The following SCAPER variants were observed in gnomAD, a reference collection of about 807,000 sequenced individuals.
SCAPER encodes S phase cyclin A-associated protein in the endoplasmic reticulum.
A neutral mutation model predicts 182.2 loss-of-function variants in SCAPER; 98 were observed. That is an observed-to-expected ratio of 0.54 (90% CI 0.46 to 0.64). The LOEUF is 0.64. Ranked by LOEUF, SCAPER falls within the 30% of genes least tolerant of loss-of-function variation. The pLI is 0.00. For missense variants in SCAPER, 1,432 were observed against 1,690.0 expected (o/e 0.85, Z 2.68); for synonymous variants, 605 against 564.6 (o/e 1.07, Z -1.01).
intron 20 of SCAPER, among the ~76,000 whole-genome samples, chr15:76,700,865 A>G (rs1040627747): frequency 6.6e-6 from 1 of 152,224 alleles, no homozygotes; most frequent in Non-Finnish European, 1.5e-5. Context: ...TACATACTGT[A>G]TGATAACATT....
intron 23 of SCAPER, among the ~76,000 whole-genome samples, chr15:76,566,328 T>C (rs1265207884): frequency 6.6e-6 from 1 of 152,148 alleles, no homozygotes; most frequent in Non-Finnish European, 1.5e-5. Flanking sequence ...ATTTCACATA[T>C]CTCAATTCAC....
At chr15:76,542,474 GATCACGT>G in intron 23 of SCAPER, among the ~76,000 whole-genome samples, 1 of 151,824 alleles carries the variant, frequency 6.6e-6, no homozygotes, top group East Asian at 1.9e-4. Flanking sequence ...AATGAGCTGA[GATCACGT>G]CACTGAACTC....
At chr15:76,881,954 G>T (rs1374217281) in intron 2 of SCAPER, among the ~76,000 whole-genome samples, 2 of 152,130 alleles carry the variant, frequency 1.3e-5, no homozygotes, top group African/African-American at 4.8e-5. Flanking sequence ...GAAGAAAGCT[G>T]AATTTCTCTA....
intron 22 of SCAPER, among the ~76,000 whole-genome samples, chr15:76,578,101 G>A (rs2047987568): frequency 6.6e-6 from 1 of 151,900 alleles, no homozygotes; most frequent in South Asian, 2.1e-4. Context: ...GGTGGCCACA[G>A]GAAGAGACTC....
At chr15:76,812,237 C>G (rs55993478) in intron 5 of SCAPER, among the ~76,000 whole-genome samples, 1 of 152,150 alleles carries the variant, frequency 6.6e-6, no homozygotes, top group South Asian at 2.1e-4. Flanking sequence ...TCATTTGAAT[C>G]TGGGAGGCAG....
intron 24 of SCAPER, among the ~76,000 whole-genome samples, chr15:76,500,856 A>G (rs1179730404): frequency 1.3e-5 from 2 of 151,960 alleles, no homozygotes; most frequent in Non-Finnish European, 2.9e-5. Context: ...CCTGGCTAAC[A>G]TCGTGAAACC....
intron 21 of SCAPER, among the ~76,000 whole-genome samples, chr15:76,635,623 T>C (rs1273891247): frequency 6.6e-6 from 1 of 152,224 alleles, no homozygotes; most frequent in Admixed American, 6.5e-5. Flanking sequence ...GAGTGGACTT[T>C]CATGTCTTCT....
At chr15:76,649,479 G>C (rs1454005836) in intron 21 of SCAPER, among the ~76,000 whole-genome samples, 1 of 150,818 alleles carries the variant, frequency 6.6e-6, no homozygotes, top group African/African-American at 2.4e-5. Context: ...AAACAAATCA[G>C]AAAACCATAC....
At position 76,552,345 on chromosome 15, in the gene SCAPER, A is replaced by C. The variant is rs572966965; in HGVS notation, c.2838+21813T>G. Among the ~76,000 whole-genome samples, 3 of 152,248 alleles carry C rather than the reference A, an allele frequency of 2.0e-5. No homozygotes were observed. In the East Asian group the frequency reaches 5.8e-4, roughly 30 times the overall value. On this transcript the variant is annotated intron_variant, in intron 23 of 31. Coordinates refer to ENST00000563290, the MANE Select transcript of SCAPER (RefSeq NM_020843.4). The stretch of plus-strand genomic sequence containing the variant: ...GCAAGTAGACACACCCGGCAGGAGT[A>C]TTTCCCACTAAAGGACTGCACATCC...
chr15:76,831,684 T>G (rs2068500532), intron 5 of SCAPER, among the ~76,000 whole-genome samples: 1 of 151,682 alleles, frequency 6.6e-6, no homozygotes, highest in East Asian at 1.9e-4. Flanking sequence ...CAGCATACTC[T>G]CCCATGACCC....
chr15:76,540,526 T>A (rs1374166493), intron 23 of SCAPER, among the ~76,000 whole-genome samples: 1 of 152,102 alleles, frequency 6.6e-6, no homozygotes, highest in Non-Finnish European at 1.5e-5. Context: ...ACGTCTATAT[T>A]TTTATTTTTT....
intron 20 of SCAPER, among the ~76,000 whole-genome samples, chr15:76,668,864 T>C (rs2056811508): frequency 6.6e-6 from 1 of 152,232 alleles, no homozygotes; most frequent in African/African-American, 2.4e-5. Context: ...ATAGTATTTT[T>C]CAGCCCTTAT....
At chr15:76,712,924 C>G (rs929455734) in intron 17 of SCAPER, among the ~76,000 whole-genome samples, 14 of 151,990 alleles carry the variant, frequency 9.2e-5, no homozygotes, top group Admixed American at 8.5e-4. Flanking sequence ...ATTGAATGCC[C>G]TTTATTTCCT....
At chr15:76,577,308 G>A (rs1374410058) in intron 22 of SCAPER, among the ~76,000 whole-genome samples, 13 of 152,256 alleles carry the variant, frequency 8.5e-5, no homozygotes, top group Admixed American at 3.9e-4. Context: ...TTAGCTGGGT[G>A]TGGTGGCACA....
intron 2 of SCAPER, among the ~76,000 whole-genome samples, chr15:76,873,343 C>A (rs11072633): frequency 0.049 from 3,182 of 65,112 alleles, 43 homozygotes; most frequent in East Asian, 0.098. Context: ...GGCAGGCAGG[C>A]AGGCAGGCAG....
In SCAPER at chr15:76,812,589, T is replaced by A. The variant is rs138039723; in HGVS notation, c.394-7956A>T. ...AAAACCTTAGGGTGAAAAAAAGAGATGACTCATCGGAAACATAAAGAGGGA... is the reference window on the plus strand; with the variant it reads ...AAAACCTTAGGGTGAAAAAAAGAGAAGACTCATCGGAAACATAAAGAGGGA... On this transcript the variant is annotated intron_variant, in intron 5 of 31. Coordinates refer to ENST00000563290, the MANE Select transcript of SCAPER (RefSeq NM_020843.4). Among the ~76,000 whole-genome samples the A allele has an allele frequency of 5.2e-4, 78 of 151,240 alleles. 1 individual carries two copies. The highest frequency in any genetic ancestry group is 1.8e-3 in the African/African-American group (73 of 41,292).
At chr15:76,657,477 C>G (rs534371878) in intron 21 of SCAPER, among the ~76,000 whole-genome samples, 1 of 151,390 alleles carries the variant, frequency 6.6e-6, no homozygotes, top group East Asian at 1.9e-4. Context: ...TAAAGAAGAG[C>G]TGGTACTATT....
At chr15:76,839,686 A>G (rs1189103337) in intron 5 of SCAPER, among the ~76,000 whole-genome samples, 2 of 152,210 alleles carry the variant, frequency 1.3e-5, no homozygotes, top group East Asian at 1.9e-4. Flanking sequence ...CTTTTAATCT[A>G]TAACTTACAC....
intron 5 of SCAPER, among the ~76,000 whole-genome samples, chr15:76,828,515 C>T (rs2068193309): frequency 6.6e-6 from 1 of 152,076 alleles, no homozygotes. Context: ...AAAATGACAG[C>T]TATCTATCTC....
Sources: gnomAD v4.1 joint callset for allele counts (sites outside exome capture counted in the v4.1 genomes callset) on GRCh38, gnomAD v4.1.1 for gene constraint, MANE v1.5 for transcripts, NCBI Gene and HGNC (gene_info 2026-07-23, HGNC 2026-07-21) for gene names.